The following CAP2 variants were observed in gnomAD, a reference collection of about 807,000 sequenced individuals.
CAP2 encodes the protein adenylyl cyclase-associated protein 2.
In CAP2, 24 loss-of-function variants were observed where a neutral mutation model predicts 57.7. That is an observed-to-expected ratio of 0.42 (90% CI 0.30 to 0.58). The LOEUF (loss-of-function observed/expected upper bound fraction) is 0.58, where lower values mean the gene tolerates loss of function less well. CAP2 is among the 20% of genes least tolerant of loss of function. The pLI is 0.22. For synonymous variants in CAP2, 194 were observed against 207.2 expected, an observed-to-expected ratio of 0.94 and a Z score of 0.55; for missense variants, 501 against 590.3, an observed-to-expected ratio of 0.85 and a Z score of 1.57.
intron 2 of CAP2, among the ~76,000 whole-genome samples, chr6:17,425,921 C>A (rs998145821): frequency 2.6e-5 from 4 of 151,984 alleles, no homozygotes; most frequent in Admixed American, 6.6e-5. Context: ...ATGGTGAGAC[C>A]CTGTCTCTAC....
chr6:17,503,661 G>A (rs1355887546), intron 4 of CAP2, among the ~76,000 whole-genome samples: 1 of 148,606 alleles, frequency 6.7e-6, no homozygotes, highest in South Asian at 2.1e-4. Flanking sequence ...CCACCCTAAT[G>A]ACCTCATTTT....
At chr6:17,395,762 G>T (rs1012763129) in intron 1 of CAP2, among the ~76,000 whole-genome samples, 1 of 151,888 alleles carries the variant, frequency 6.6e-6, no homozygotes, top group East Asian at 1.9e-4. Flanking sequence ...AAAATAATAC[G>T]CTAAGTCTAG....
At chr6:17,424,004 T>G (rs190667584) in intron 2 of CAP2, among the ~76,000 whole-genome samples, 1,643 of 152,346 alleles carry the variant, frequency 0.011, 14 homozygotes, top group Non-Finnish European at 0.018. Flanking sequence ...AAATTCTATT[T>G]TTAACAAATC....
chr6:17,500,462 G>A (rs568164305), intron 4 of CAP2, among the ~76,000 whole-genome samples: 2 of 146,278 alleles, frequency 1.4e-5, no homozygotes, highest in African/African-American at 2.5e-5. Flanking sequence ...TCCGCCTCCC[G>A]GGTTCAAGCG....
intron 7 of CAP2, among the ~76,000 whole-genome samples, chr6:17,529,355 ACT>A (rs1376893293): frequency 6.6e-6 from 1 of 151,884 alleles, no homozygotes; most frequent in Non-Finnish European, 1.5e-5. Flanking sequence ...ATATAAACAC[ACT>A]CTGTCTGGGC....
intron 4 of CAP2, chr6:17,493,456 G>A (rs539177559): frequency 2.0e-4 from 59 of 292,964 alleles, no homozygotes; most frequent in African/African-American, 1.3e-3. Context: ...ACCACAGACT[G>A]TACCCATAAT....
intron 3 of CAP2, among the ~76,000 whole-genome samples, chr6:17,448,304 G>T (rs2113574112): frequency 6.6e-6 from 1 of 152,274 alleles, no homozygotes; most frequent in African/African-American, 2.4e-5. Context: ...CAAAAGATTT[G>T]GCTTAAATAT....
At chr6:17,440,283 GCTAAT>G (rs1760032689) in intron 3 of CAP2, among the ~76,000 whole-genome samples, 1 of 151,372 alleles carries the variant, frequency 6.6e-6, no homozygotes. Flanking sequence ...TAGTAAATGG[GCTAAT>G]TTTGTCTGTG....
At chr6:17,507,451 C>G in intron 5 of CAP2, 139 bp downstream of exon 5, 2 of 947,734 alleles carry the variant, frequency 2.1e-6, no homozygotes, top group Non-Finnish European at 3.2e-6. Context: ...TTTCTCCTAC[C>G]CTGTTTAAAG....
At chr6:17,467,770 G>A (rs1005297328) in intron 4 of CAP2, among the ~76,000 whole-genome samples, 1 of 152,060 alleles carries the variant, frequency 6.6e-6, no homozygotes, top group Admixed American at 6.6e-5. Flanking sequence ...TGATCCGCCC[G>A]CCTCGGCCTC....
intron 1 of CAP2, among the ~76,000 whole-genome samples, chr6:17,409,348 G>C (rs1466135623): frequency 6.6e-6 from 1 of 151,492 alleles, no homozygotes; most frequent in Non-Finnish European, 1.5e-5. Context: ...CTCCAGCCTG[G>C]GTGACAGAGT....
At chr6:17,404,734 G>A (rs1216168091) in intron 1 of CAP2, among the ~76,000 whole-genome samples, 1 of 145,196 alleles carries the variant, frequency 6.9e-6, no homozygotes, top group Non-Finnish European at 1.5e-5. Flanking sequence ...TCGCGCCACT[G>A]CACTCCAGCC....
intron 4 of CAP2, among the ~76,000 whole-genome samples, chr6:17,490,569 G>A (rs996254787): frequency 1.3e-5 from 2 of 152,208 alleles, no homozygotes; most frequent in Non-Finnish European, 2.9e-5. Context: ...GGGTTGGGTG[G>A]GGTGTAAGTC....
chr6:17,516,647 T>G (rs1467723701), intron 7 of CAP2, among the ~76,000 whole-genome samples: 1 of 152,236 alleles, frequency 6.6e-6, no homozygotes, highest in Non-Finnish European at 1.5e-5. Flanking sequence ...TTAACTTGAA[T>G]GAAACAGCTT....
chr6:17,524,058 GAGAA>G (rs1424375368), intron 7 of CAP2, among the ~76,000 whole-genome samples: 2 of 134,438 alleles, frequency 1.5e-5, no homozygotes, highest in South Asian at 2.4e-4. Flanking sequence ...CCTGGTGACA[GAGAA>G]AGACTCTGTC....
intron 4 of CAP2, among the ~76,000 whole-genome samples, chr6:17,489,867 T>C (rs1411827018): frequency 2.0e-5 from 3 of 151,912 alleles, no homozygotes; most frequent in African/African-American, 4.8e-5. Context: ...TTTAGCCAGA[T>C]CTTGAGTTCT....
rs1763337831 is a variant in CAP2, at chr6:17,557,326, G to C, written c.*884G>C. The C allele has an allele frequency of 6.6e-6, 1 of 151,980 alleles. No homozygotes were observed. The highest frequency in any genetic ancestry group is 6.6e-5 in the Admixed American group (1 of 15,248). 9.4% of individuals were successfully genotyped at this position (151,980 alleles called of 1,614,324 possible). Reference sequence around the variant, plus strand: ...TTCCTCTTTTCCACCTGCCAGACTTGCTAACCAAGCTCGAAAATGAACATG... The same window carrying C: ...TTCCTCTTTTCCACCTGCCAGACTTCCTAACCAAGCTCGAAAATGAACATG... On this transcript the variant is annotated 3_prime_UTR_variant, in exon 13 of 13. Transcript: ENST00000229922.
rs1322650764 is a variant in CAP2, at chr6:17,397,210, C to A, written c.-2+3464C>A. Among the ~76,000 whole-genome samples, 3 of 152,090 alleles carry A rather than the reference C, an allele frequency of 2.0e-5. No homozygotes were observed. The South Asian group carries it at 6.2e-4, about 32-fold the overall frequency. ...GAGTAGCTGGGATTACAGACGCGGG[C>A]CACCATGCCTGGCTAATTTTTGCAT... is the stretch of plus-strand genomic sequence containing the variant. On this transcript the variant is annotated intron_variant, in intron 1 of 12. Coordinates refer to ENST00000229922, the MANE Select transcript of CAP2 (RefSeq NM_006366.3).
chr6:17,543,195 C>CGCTGTAATAAGCAGAGCCTTTCCAACCAT, intron 11 of CAP2, 52 bp downstream of exon 11: 1 of 1,439,576 alleles, frequency 6.9e-7, no homozygotes, highest in Non-Finnish European at 9.8e-7. Context: ...TTTCCAACCA[C>CGCTGTAATAAGCAGAGCCTTTCCAACCAT]GCTGTAATAA....
Sources: allele counts gnomAD v4.1 joint callset (sites outside exome capture counted in the v4.1 genomes callset), GRCh38; gene constraint gnomAD v4.1.1; transcripts MANE v1.5; gene names NCBI Gene and HGNC (gene_info 2026-07-23, HGNC 2026-07-21).